FNTB: variants seen among roughly 807,000 people sequenced by gnomAD.
The protein encoded by FNTB is protein farnesyltransferase subunit beta.
Under a neutral mutation model 59.4 loss-of-function variants are expected in FNTB, and 27 were observed. The ratio of observed to expected loss-of-function variants is 0.45; its 90% CI spans 0.34 to 0.63. The LOEUF is 0.63. Among genes scored for constraint, FNTB ranks in the 20% least tolerant of loss-of-function variants. The pLI is 0.02. For synonymous variants in FNTB, 230 were observed against 220.7 expected, an observed-to-expected ratio of 1.04 and a Z score of -0.37; for missense variants, 449 against 559.6, an observed-to-expected ratio of 0.80 and a Z score of 1.99.
intron 11 of FNTB, among the ~76,000 whole-genome samples, chr14:65,055,064 C>T (rs2062700996): frequency 6.6e-6 from 1 of 152,246 alleles, no homozygotes; most frequent in Admixed American, 6.5e-5. Flanking sequence ...GCTGTACAGC[C>T]TGCCGCGTCT....
chr14:65,021,641 A>G (rs921139980), intron 4 of FNTB, among the ~76,000 whole-genome samples: 5 of 152,092 alleles, frequency 3.3e-5, no homozygotes, highest in African/African-American at 9.7e-5. Flanking sequence ...ACTCTGCTCT[A>G]AAGTAGCCAA....
intron 3 of FNTB, 128 bp from the exon 4 acceptor site, chr14:65,015,497 T>A (rs532827840): frequency 1.6e-6 from 1 of 642,012 alleles, no homozygotes; most frequent in East Asian, 3.0e-5. Flanking sequence ...ATTCACTGAT[T>A]GTTGTTTGAG....
intron 4 of FNTB, among the ~76,000 whole-genome samples, chr14:65,019,652 C>T (rs2061849727): frequency 1.3e-5 from 2 of 152,208 alleles, no homozygotes; most frequent in African/African-American, 4.8e-5. Context: ...TTCTGCTTCA[C>T]AGATGCCTTA....
Position 65,014,149 on chromosome 14 carries a change from C to G in FNTB, c.283-1476C>G, listed in dbSNP as rs1566870030. 6.6e-6 allele frequency among the ~76,000 whole-genome samples: 1 copy of G among 152,212 alleles called. No individual in the cohort carries two copies. Among genetic ancestry groups the G allele is most frequent in the African/African-American group, 2.4e-5 (1 of 41,442 alleles). The stretch of plus-strand genomic sequence containing the variant: ...AAAAACCTAGGTTCTTGTCTCACCT[C>G]TGACATTTGCTATTTTTATAATCTG... On this transcript the variant is annotated intron_variant, in intron 3 of 11. Transcript: ENST00000246166. This position sits in a 1 kb window ranked among gnomAD's most constrained non-coding sequence, Gnocchi z 5.1.
intron 7 of FNTB, among the ~76,000 whole-genome samples, chr14:65,033,586 G>A (rs568275334): frequency 7.2e-5 from 11 of 152,260 alleles, no homozygotes; most frequent in Middle Eastern, 6.8e-3. Context: ...GGCCAGGTGC[G>A]GTGGCTCACG....
Position 64,991,449 on chromosome 14 carries a change from C to T in FNTB, c.144+4352C>T, listed in dbSNP as rs1160774925. Reference sequence around the variant, plus strand: ...AAACCTCATCTCTACTAAAAAAATACAAAAATTAGCTAGGCGTGGTGGTGT... The same window carrying T: ...AAACCTCATCTCTACTAAAAAAATATAAAAATTAGCTAGGCGTGGTGGTGT... On this transcript the variant is annotated intron_variant, in intron 1 of 11. Transcript: ENST00000246166. This position sits in a 1 kb window ranked among gnomAD's most constrained non-coding sequence, Gnocchi z 4.4. Among the ~76,000 whole-genome samples the T allele has an allele frequency of 6.6e-6, 1 of 151,878 alleles. No individual in the cohort carries two copies. The highest frequency in any genetic ancestry group is 1.5e-5 in the Non-Finnish European group (1 of 67,964).
rs1173440505 is a variant in FNTB, at chr14:65,009,272, G to T, written c.210-3045G>T. Among the ~76,000 whole-genome samples, 1 of 152,068 alleles carries T rather than the reference G, an allele frequency of 6.6e-6. No individual in the cohort carries two copies. The highest frequency in any genetic ancestry group is 1.5e-5 in the Non-Finnish European group (1 of 68,022). ...TGGAGGCCAGAAGTCTAAGACCAAG[G>T]TGTCAGCAGGCTTGGTTTCTCCTGA... On this transcript the variant is annotated intron_variant, in intron 2 of 11. Transcript: ENST00000246166. This position sits in a 1 kb window ranked among gnomAD's most constrained non-coding sequence, Gnocchi z 4.2.
chr14:65,055,203 T>C (rs1595100905), intron 11 of FNTB, among the ~76,000 whole-genome samples: 3 of 152,298 alleles, frequency 2.0e-5, no homozygotes, highest in African/African-American at 7.2e-5. Context: ...AATGTGTGTT[T>C]GTCTGCTTTC....
rs1425466492 is a variant in FNTB at position 64,990,360 on chromosome 14, G to T, written c.144+3263G>T. ...CGGGCCATGGGAAGTATTGCTGGGG[G>T]TGACCGAGAAGGAGAAGAATGAGAC... On this transcript the variant is annotated intron_variant, in intron 1 of 11. Coordinates refer to ENST00000246166, the MANE Select transcript of FNTB (RefSeq NM_002028.4). This position sits in a 1 kb window ranked among gnomAD's most constrained non-coding sequence, Gnocchi z 5.2. Among the ~76,000 whole-genome samples, 2 of 152,084 alleles carry T rather than the reference G, an allele frequency of 1.3e-5. No individual in the cohort carries two copies. Among genetic ancestry groups the T allele is most frequent in the Non-Finnish European group, 2.9e-5 (2 of 68,004 alleles).
At chr14:65,038,946 T>A (rs989079420) in intron 7 of FNTB, among the ~76,000 whole-genome samples, 1 of 152,248 alleles carries the variant, frequency 6.6e-6, no homozygotes, top group African/African-American at 2.4e-5. Flanking sequence ...CTCAATAGTC[T>A]TACTTCATAT....
chr14:65,011,431 GAAAA>G lies in FNTB; in HGVS notation c.210-868_210-865del, dbSNP rs767329195. Among the ~76,000 whole-genome samples, 3 of 80,088 alleles carry G rather than the reference GAAAA, an allele frequency of 3.7e-5. No homozygotes were observed. The highest frequency in any genetic ancestry group is 4.2e-5 in the African/African-American group (1 of 23,688). 52.5% of individuals were successfully genotyped at this position (80,088 alleles called of 152,430 possible). ...GTGACAGAGCGAGACTCCGTCTCAG[GAAAA>G]AAAAAAAAAAAAAAAAAGACTGCAT... On this transcript the variant is annotated intron_variant, in intron 2 of 11. Transcript: ENST00000246166. This position sits in a 1 kb window ranked among gnomAD's most constrained non-coding sequence, Gnocchi z 4.0.
intron 9 of FNTB, among the ~76,000 whole-genome samples, chr14:65,050,365 T>C (rs890208290): frequency 3.9e-5 from 6 of 152,074 alleles, no homozygotes; most frequent in African/African-American, 1.4e-4. Flanking sequence ...GGAAGCCGAG[T>C]TGGGCAGATC....
rs746813710 is a variant in FNTB at position 65,044,286 on chromosome 14, G to A, written c.823-25G>A. ...ATTTTGTCTCTTTTAGCCTACAACT[G>A]CCTTTCCCATCTGTGTCTCCTCAGC... On this transcript the variant is annotated intron_variant, in intron 8 of 11. Transcript: ENST00000246166. The surrounding 1 kb of genome is among the most constrained non-coding windows in gnomAD (Gnocchi z 5.5). The A allele has an allele frequency of 1.3e-5, 21 of 1,611,644 alleles. No homozygotes were observed. In the South Asian group the frequency reaches 2.3e-4, roughly 18 times the overall value.
intron 1 of FNTB, among the ~76,000 whole-genome samples, chr14:64,988,410 T>A (rs1174143597): frequency 6.6e-6 from 1 of 152,018 alleles, no homozygotes; most frequent in African/African-American, 2.4e-5. Context: ...TCAAGTGTTT[T>A]ACTTATTATC....
chr14:65,026,594 T>C (rs1329392053), intron 4 of FNTB, among the ~76,000 whole-genome samples: 1 of 152,204 alleles, frequency 6.6e-6, no homozygotes, highest in Non-Finnish European at 1.5e-5. Flanking sequence ...ATGCAGTGGC[T>C]CACACCTGTA....
intron 4 of FNTB, among the ~76,000 whole-genome samples, chr14:65,019,874 A>T (rs1257895670): frequency 6.6e-6 from 1 of 152,222 alleles, no homozygotes; most frequent in Non-Finnish European, 1.5e-5. Flanking sequence ...CTTCTATATA[A>T]ATAGAAGATT....
intron 1 of FNTB, among the ~76,000 whole-genome samples, chr14:65,000,726 A>G (rs1888562045): frequency 6.6e-6 from 1 of 150,444 alleles, no homozygotes; most frequent in African/African-American, 2.4e-5. Context: ...AGGCTGAGGC[A>G]GAAGAATCAC....
chr14:64,995,796 A>C (rs1888371880), intron 1 of FNTB, among the ~76,000 whole-genome samples: 1 of 151,348 alleles, frequency 6.6e-6, no homozygotes, highest in African/African-American at 2.4e-5. Flanking sequence ...TGTATGTATA[A>C]AGCCTGACCA....
At chr14:65,059,801 C>G (rs1467130612) in intron 11 of FNTB, among the ~76,000 whole-genome samples, 1 of 150,016 alleles carries the variant, frequency 6.7e-6, no homozygotes, top group Non-Finnish European at 1.5e-5. Context: ...TATGATCTGA[C>G]AGCCTTACTA....
Sources: allele counts gnomAD v4.1 joint callset (sites outside exome capture counted in the v4.1 genomes callset), GRCh38; gene constraint gnomAD v4.1.1; non-coding constraint Gnocchi (gnomAD v3.1); transcripts MANE v1.5; gene names NCBI Gene and HGNC (gene_info 2026-07-23, HGNC 2026-07-21).